The following DAAM1 variants were observed in gnomAD, a reference collection of about 807,000 sequenced individuals.
DAAM1 encodes the protein dishevelled associated activator of morphogenesis 1.
In DAAM1, 52 loss-of-function variants were observed where a neutral mutation model predicts 130.0. The ratio of observed to expected loss-of-function variants is 0.40; its 90% CI spans 0.32 to 0.50. The LOEUF is 0.50. Ranked by LOEUF, DAAM1 falls within the 20% of genes least tolerant of loss-of-function variation. DAAM1 has a pLI of 0.61. For synonymous variants in DAAM1, 452 were observed against 444.5 expected (o/e 1.02, Z -0.21); for missense variants, 1,134 against 1,303.8 (o/e 0.87, Z 2.01).
chr14:59,243,828 T>C (rs544323855), intron 1 of DAAM1, among the ~76,000 whole-genome samples: 1 of 152,216 alleles, frequency 6.6e-6, no homozygotes, highest in Non-Finnish European at 1.5e-5. Context: ...TAGTCCTTCA[T>C]GGAATGGAAG....
At chr14:59,271,981 T>G (rs957730395) in intron 2 of DAAM1, among the ~76,000 whole-genome samples, 2 of 152,144 alleles carry the variant, frequency 1.3e-5, no homozygotes, top group Admixed American at 1.3e-4. Context: ...AAAAAAAAAC[T>G]GGTTGTAAAG....
At chr14:59,246,890 T>C (rs560295918) in intron 1 of DAAM1, among the ~76,000 whole-genome samples, 16 of 152,304 alleles carry the variant, frequency 1.1e-4, no homozygotes, top group Non-Finnish European at 2.4e-4. Context: ...TGCTCATTTT[T>C]TAATGGAGTT....
At chr14:59,336,626 ATTC>A (rs1885637853) in intron 15 of DAAM1, among the ~76,000 whole-genome samples, 1 of 152,202 alleles carries the variant, frequency 6.6e-6, no homozygotes, top group Admixed American at 6.5e-5. Flanking sequence ...CTTGCTTGGC[ATTC>A]TTCATCCTCA....
chr14:59,289,473 A>G (rs1234975355), intron 2 of DAAM1, among the ~76,000 whole-genome samples: 4 of 152,150 alleles, frequency 2.6e-5, no homozygotes, highest in African/African-American at 9.7e-5. Flanking sequence ...AAAGTCAAAG[A>G]ACAACAGATG....
intron 15 of DAAM1, among the ~76,000 whole-genome samples, chr14:59,336,504 T>G (rs1885631464): frequency 6.6e-6 from 1 of 152,232 alleles, no homozygotes; most frequent in Admixed American, 6.5e-5. Context: ...CATCATTATT[T>G]CTAACATGCC....
intron 1 of DAAM1, among the ~76,000 whole-genome samples, chr14:59,212,000 C>G (rs1888439317): frequency 1.3e-5 from 2 of 152,048 alleles, no homozygotes; most frequent in Non-Finnish European, 1.5e-5. Flanking sequence ...CTCCTTAATT[C>G]TTATTTTAAG....
At chr14:59,241,388 C>A (rs964518236) in intron 1 of DAAM1, among the ~76,000 whole-genome samples, 1 of 152,078 alleles carries the variant, frequency 6.6e-6, no homozygotes, top group East Asian at 1.9e-4. Flanking sequence ...GACCTCTTTC[C>A]GAATTAAGTA....
rs1053347274 is a variant in DAAM1 at position 59,371,102 on chromosome 14, A to C, written c.*2243A>C. On this transcript the variant is annotated 3_prime_UTR_variant, in exon 25 of 25. Coordinates refer to ENST00000360909, the MANE Select transcript of DAAM1 (RefSeq NM_001270520.2). Reference sequence around the variant, plus strand: ...CATGTGCCATTGTTGAAAAGAAAAAAAAAAAACAAAAAAAAAACCTACTTT... The same window carrying C: ...CATGTGCCATTGTTGAAAAGAAAAACAAAAAACAAAAAAAAAACCTACTTT... 6.9e-5 allele frequency: 2 copies of C among 29,026 alleles called. No individual in the cohort carries two copies. The highest frequency in any genetic ancestry group is 1.3e-4 in the Non-Finnish European group (2 of 15,398). 1.8% of individuals were successfully genotyped at this position (29,026 alleles called of 1,614,324 possible).
chr14:59,276,330 G>A (rs1263368800), intron 2 of DAAM1, among the ~76,000 whole-genome samples: 1 of 152,122 alleles, frequency 6.6e-6, no homozygotes, highest in Non-Finnish European at 1.5e-5. Flanking sequence ...CCTTCAATCT[G>A]CCATTAGCTT....
chr14:59,367,122 T>C (rs1886948578), intron 23 of DAAM1, among the ~76,000 whole-genome samples: 1 of 151,912 alleles, frequency 6.6e-6, no homozygotes, highest in Non-Finnish European at 1.5e-5. Flanking sequence ...ATCCTGACTC[T>C]ACTAAAAATA....
intron 3 of DAAM1, among the ~76,000 whole-genome samples, chr14:59,303,243 T>C (rs1406318782): frequency 6.6e-6 from 1 of 152,186 alleles, no homozygotes; most frequent in Non-Finnish European, 1.5e-5. Context: ...ACTCCTATAG[T>C]GTCCTGTGAA....
At chr14:59,316,516 TC>T (rs954266271) in intron 4 of DAAM1, among the ~76,000 whole-genome samples, 4 of 152,198 alleles carry the variant, frequency 2.6e-5, no homozygotes, top group African/African-American at 9.7e-5. Context: ...CATAAGTTTT[TC>T]CCCAAGGGTT....
chr14:59,270,453 C>T (rs771578862), intron 2 of DAAM1, among the ~76,000 whole-genome samples: 3 of 152,056 alleles, frequency 2.0e-5, no homozygotes, highest in South Asian at 2.1e-4. Context: ...CTCAGTAACC[C>T]GGAGGGAGGA....
rs373323181 is a variant in DAAM1, at chr14:59,355,092, G to C, written c.2357-73G>C. 1.3e-4 allele frequency: 195 copies of C among 1,542,452 alleles called. 1 individual carries two copies. In the South Asian group the frequency reaches 2.2e-3, roughly 18 times the overall value. On this transcript the variant is annotated intron_variant, in intron 19 of 24. Transcript: ENST00000360909. Reference sequence around the variant, plus strand: ...TATTAAGTGTGTGAATTTAGAATGGGTATCACTGAAACATCTTGATTTCAA... The same window carrying C: ...TATTAAGTGTGTGAATTTAGAATGGCTATCACTGAAACATCTTGATTTCAA...
At chr14:59,248,890 C>A (rs902057151) in intron 1 of DAAM1, among the ~76,000 whole-genome samples, 4 of 152,168 alleles carry the variant, frequency 2.6e-5, no homozygotes, top group African/African-American at 9.7e-5. Flanking sequence ...CGGGTTCACG[C>A]CATTCTCCTG....
chr14:59,241,373 A>C (rs144899434), intron 1 of DAAM1, among the ~76,000 whole-genome samples: 2 of 152,216 alleles, frequency 1.3e-5, no homozygotes, highest in East Asian at 3.8e-4. Flanking sequence ...TATTTCTTCC[A>C]GTGGGACCTC....
chr14:59,291,693 G>A (rs1566687681), intron 3 of DAAM1, among the ~76,000 whole-genome samples: 1 of 152,012 alleles, frequency 6.6e-6, no homozygotes, highest in Non-Finnish European at 1.5e-5. Flanking sequence ...CATCTCTCTG[G>A]TGTAGCCCCA....
rs115738209 is a variant in DAAM1 at position 59,240,760 on chromosome 14, G to C, written c.-37-22681G>C. Among the ~76,000 whole-genome samples, 947 of 152,346 alleles carry C rather than the reference G, an allele frequency of 6.2e-3. 8 individuals carry two copies. The highest frequency in any genetic ancestry group is 0.022 in the African/African-American group (915 of 41,580). On this transcript the variant is annotated intron_variant, in intron 1 of 24. Transcript: ENST00000360909. ...CACATAAAGATCTCTGGTCGTCTTT[G>C]TGTTGTGTGCCATCCCTAGATCAGT... is the stretch of plus-strand genomic sequence containing the variant.
intron 18 of DAAM1, among the ~76,000 whole-genome samples, 171 bp from the exon 19 acceptor site, chr14:59,353,705 G>C (rs1414909269): frequency 6.6e-6 from 1 of 152,094 alleles, no homozygotes; most frequent in Non-Finnish European, 1.5e-5. Context: ...TCCAGGCAAA[G>C]CTGGCTTAAT....
Sources: gnomAD v4.1 joint callset for allele counts (sites outside exome capture counted in the v4.1 genomes callset) on GRCh38, gnomAD v4.1.1 for gene constraint, MANE v1.5 for transcripts, NCBI Gene and HGNC (gene_info 2026-07-23, HGNC 2026-07-21) for gene names.